The following HERC5 variants were observed in gnomAD, a reference collection of about 807,000 sequenced individuals.
The protein encoded by HERC5 is E3 ISG15--protein ligase HERC5.
HERC5 carries 99 observed loss-of-function variants against 119.6 expected under a neutral mutation model. That is an observed-to-expected ratio of 0.83 (90% CI 0.70 to 0.98). The LOEUF is 0.98. HERC5 is among the 50% of genes least tolerant of loss of function. The pLI, the probability that HERC5 is intolerant of heterozygous loss-of-function variation, is 0.00. For missense variants in HERC5, 1,267 were observed against 1,241.3 expected (o/e 1.02, Z -0.31); for synonymous variants, 478 against 445.9 (o/e 1.07, Z -0.91).
Position 88,498,673 on chromosome 4 carries a change from C to T in HERC5, c.2445-1253C>T, listed in dbSNP as rs1048116129. On this transcript the variant is annotated intron_variant, in intron 18 of 22. Transcript: ENST00000264350. The stretch of plus-strand genomic sequence containing the variant: ...GCAACCTCCACCTCCCAGGTTCAAG[C>T]GATTCTCGTCCCTCAGCCTCCTGAG... Among the ~76,000 whole-genome samples, 4 of 152,278 alleles carry T rather than the reference C, an allele frequency of 2.6e-5. No individual in the cohort carries two copies. In the Middle Eastern group the frequency reaches 0.01, roughly 388 times the overall value.
chr4:88,489,162 C>G lies in HERC5; in HGVS notation c.1963-4C>G, dbSNP rs905327048. On this transcript the variant is annotated splice_polypyrimidine_tract_variant and splice_region_variant and intron_variant, in intron 15 of 22. Coordinates refer to ENST00000264350, the MANE Select transcript of HERC5 (RefSeq NM_016323.4). Reference sequence around the variant, plus strand: ...GTGTAATATTTCTGTTTCTGTTTTCCTAGAGTAAAAAACATAAAGCTTATC... The same window carrying G: ...GTGTAATATTTCTGTTTCTGTTTTCGTAGAGTAAAAAACATAAAGCTTATC... 7 of 1,594,488 alleles carry G rather than the reference C, an allele frequency of 4.4e-6. No homozygotes were observed. The African/African-American group carries it at 5.4e-5, about 12-fold the overall frequency.
At chr4:88,476,052 T>C (rs1033722415) in intron 12 of HERC5, 22 bp downstream of exon 12, 21 of 1,583,914 alleles carry the variant, frequency 1.3e-5, no homozygotes, top group Non-Finnish European at 1.8e-5. Context: ...CATTTGAAGA[T>C]ACTTTACCTG....
At position 88,493,071 on chromosome 4, in the gene HERC5, C is replaced by A; in HGVS notation, c.2193C>A (p.Tyr731Ter). Residue 731 changes from tyrosine to a stop codon, truncating the protein, a stop_gained, in exon 17 of 23, where the codon TAC becomes TAA. Coordinates refer to ENST00000264350, the MANE Select transcript of HERC5 (RefSeq NM_016323.4). LOFTEE classifies it high-confidence loss of function. ...GAGGAGTCAAGAAAGAGTTCTTCTA[C>A]TGTCTGTTTGCAGAGATGATCCAGC... ...DLGGVKKEFF[Y>*]CLFAEMIQPE... The A allele has an allele frequency of 6.2e-7, 1 of 1,614,018 alleles. No individual in the cohort carries two copies. Among genetic ancestry groups the A allele is most frequent in the East Asian group, 2.2e-5 (1 of 44,868 alleles).
At chr4:88,490,273 C>G (rs1741593040) in intron 16 of HERC5, among the ~76,000 whole-genome samples, 1 of 152,150 alleles carries the variant, frequency 6.6e-6, no homozygotes, top group African/African-American at 2.4e-5. Flanking sequence ...CTTTCAACAA[C>G]ATTATGTGGC....
chr4:88,481,070 C>T (rs1741261384), intron 13 of HERC5, among the ~76,000 whole-genome samples: 1 of 151,720 alleles, frequency 6.6e-6, no homozygotes, highest in Non-Finnish European at 1.5e-5. Context: ...GGTTTTGATT[C>T]GAGACAGGTT....
At chr4:88,505,346 T>G (rs997218073) in intron 22 of HERC5, among the ~76,000 whole-genome samples, 1 of 152,184 alleles carries the variant, frequency 6.6e-6, no homozygotes, top group African/African-American at 2.4e-5. Flanking sequence ...CCTGGCTCTC[T>G]CTCCTTATTC....
intron 12 of HERC5, 96 bp from the exon 13 acceptor site, chr4:88,479,257 G>T (rs112377824): frequency 5.1e-6 from 5 of 973,732 alleles, no homozygotes; most frequent in African/African-American, 3.4e-5. Context: ...TGCACTCCAG[G>T]CTGGGCAACA....
At chr4:88,491,659 G>C (rs1219905606) in intron 16 of HERC5, among the ~76,000 whole-genome samples, 1 of 152,152 alleles carries the variant, frequency 6.6e-6, no homozygotes, top group African/African-American at 2.4e-5. Flanking sequence ...TGTTCTTCTT[G>C]GAGAGACCCA....
chr4:88,486,524 G>A (rs1210039807), intron 14 of HERC5, among the ~76,000 whole-genome samples: 1 of 152,220 alleles, frequency 6.6e-6, no homozygotes, highest in Non-Finnish European at 1.5e-5. Context: ...TAACAAGGCA[G>A]TGAGACTCAT....
intron 6 of HERC5, among the ~76,000 whole-genome samples, chr4:88,464,371 C>T (rs532878106): frequency 6.6e-5 from 10 of 151,920 alleles, no homozygotes; most frequent in Admixed American, 1.3e-4. Context: ...GCCTTGTGGC[C>T]AACATACTTT....
At position 88,468,372 on chromosome 4, in the gene HERC5, A is replaced by G. The variant is rs755655857; in HGVS notation, c.1084A>G (p.Ile362Val). The change falls in exon 8 of 23, where the codon ATA (isoleucine) becomes GTA (valine). Residue 362 changes from isoleucine to valine, a missense_variant. Transcript: ENST00000264350. ...AAGCCATACCTCAGAAAAGGAGTTA[A>G]TAATGATTGCTGGAGGGAATCAAAG... ...LESHTSEKEL[I>V]MIAGGNQSIL... is the part of the protein sequence containing the mutation. 6.2e-7 allele frequency: 1 copy of G among 1,611,894 alleles called. No homozygotes were observed. Among genetic ancestry groups the G allele is most frequent in the South Asian group, 1.1e-5 (1 of 90,672 alleles).
rs1741584877 is a variant in HERC5 at position 88,489,999 on chromosome 4, ACT to A, written c.2133+666_2133+667del. On this transcript the variant is annotated intron_variant, in intron 16 of 22. Coordinates refer to ENST00000264350, the MANE Select transcript of HERC5 (RefSeq NM_016323.4). Reference sequence around the variant, plus strand: ...ATTCCGGCCTGGGTGACGGAGCGAGACTCTGTCTCAAAAAAAACAAAAATAAT... The same window carrying A: ...ATTCCGGCCTGGGTGACGGAGCGAGACTGTCTCAAAAAAAACAAAAATAAT... Among the ~76,000 whole-genome samples, 6 of 152,126 alleles carry A rather than the reference ACT, an allele frequency of 3.9e-5. No individual in the cohort carries two copies. The South Asian group carries it at 1.0e-3, about 26-fold the overall frequency.
intron 14 of HERC5, among the ~76,000 whole-genome samples, chr4:88,486,575 G>A (rs1741473153): frequency 6.6e-6 from 1 of 152,156 alleles, no homozygotes; most frequent in Non-Finnish European, 1.5e-5. Flanking sequence ...GAGTGTCTTG[G>A]GTGTAAGCAC....
chr4:88,472,646 T>A, intron 11 of HERC5, 144 bp downstream of exon 11: 1 of 654,402 alleles, frequency 1.5e-6, no homozygotes, highest in Non-Finnish European at 2.7e-6. Flanking sequence ...CAGATAACAT[T>A]TAGGAGTTTG....
rs755587880 is a variant in HERC5, at chr4:88,472,429, C to G, written c.1319C>G (p.Pro440Arg). The change falls in exon 11 of 23, where the codon CCT becomes CGT. Residue 440 changes from proline (P) to arginine (R), a missense_variant. Pro to Arg is a moderately radical substitution (Grantham distance 103, BLOSUM62 -2). This residue lies in a region of HERC5 where 777 missense variants were observed against 758.0 expected (regional missense o/e 1.03). Coordinates refer to ENST00000264350, the MANE Select transcript of HERC5 (RefSeq NM_016323.4). ...TACAGAAGAACTACAGAAATGATGC[C>G]TGTTTATTTGGACTTAAATAAAGCA... ...LRKRRTTEMM[P>R]VYLDLNKARN... is the part of the protein sequence containing the mutation. The G allele has an allele frequency of 1.9e-6, 3 of 1,591,886 alleles. No individual in the cohort carries two copies. Among genetic ancestry groups the G allele is most frequent in the Non-Finnish European group, 2.6e-6 (3 of 1,163,004 alleles).
At chr4:88,496,065 C>T (rs1741788364) in intron 18 of HERC5, among the ~76,000 whole-genome samples, 1 of 152,146 alleles carries the variant, frequency 6.6e-6, no homozygotes, top group Non-Finnish European at 1.5e-5. Flanking sequence ...GCAGAGCATT[C>T]CACAATATCA....
chr4:88,461,684 A>G (rs1370318236), intron 3 of HERC5, among the ~76,000 whole-genome samples: 3 of 152,222 alleles, frequency 2.0e-5, no homozygotes, highest in Non-Finnish European at 2.9e-5. Flanking sequence ...GTAATTTGAA[A>G]TTAATTTTAC....
At position 88,479,558 on chromosome 4, in the gene HERC5, C is replaced by G; in HGVS notation, c.1737+51C>G. The G allele has an allele frequency of 3.5e-6, 5 of 1,442,088 alleles. No homozygotes were observed. In the South Asian group the frequency reaches 4.6e-5, roughly 13 times the overall value. The allele number at this position is 1,442,088 out of a possible 1,614,324, so 89.3% of individuals were successfully genotyped here. ...TGTTTTTATCTAGCTGTAAAAATTCCCTTCCTTTCAGCTGGCTTGAATCTT... is the reference window on the plus strand; with the variant it reads ...TGTTTTTATCTAGCTGTAAAAATTCGCTTCCTTTCAGCTGGCTTGAATCTT... On this transcript the variant is annotated intron_variant, in intron 13 of 22. Transcript: ENST00000264350.
chr4:88,463,622 A>AGGTG lies in HERC5; in HGVS notation c.780+4_780+7dup. The stretch of plus-strand genomic sequence containing the variant: ...GGCTCTCACAGTGCCCTACTCACAC[A>AGGTG]GGTGGGTGTACCCTTGTCTCTTTTT... On this transcript the variant is annotated frameshift_variant and splice_region_variant, in exon 5 of 23. Transcript: ENST00000264350. LOFTEE classifies it high-confidence loss of function. The AGGTG allele has an allele frequency of 2.5e-6, 4 of 1,611,572 alleles. No individual in the cohort carries two copies. Among genetic ancestry groups the AGGTG allele is most frequent in the Non-Finnish European group, 3.4e-6 (4 of 1,177,768 alleles).
Sources: gnomAD v4.1 joint callset for allele counts (sites outside exome capture counted in the v4.1 genomes callset) on GRCh38, gnomAD v4.1.1 for gene constraint, gnomAD v4.1.1 regional missense constraint, MANE v1.5 for transcripts, NCBI Gene and HGNC (gene_info 2026-07-23, HGNC 2026-07-21) for gene names.